Variants in MPRIP observed in about 807,000 individuals in gnomAD.
The protein encoded by MPRIP is myosin phosphatase Rho-interacting protein.
MPRIP carries 59 observed loss-of-function variants against 234.9 expected under a neutral mutation model. The observed-to-expected ratio is 0.25, with a 90% confidence interval of 0.20 to 0.31. The LOEUF (loss-of-function observed/expected upper bound fraction) is 0.31. Among genes scored for constraint, MPRIP ranks in the 10% least tolerant of loss-of-function variants. The probability of loss-of-function intolerance (pLI) is 1.00; values close to 1 mark genes in which losing one functional copy is unlikely to be tolerated. For missense variants in MPRIP, 2,436 were observed against 3,071.0 expected (o/e 0.79, Z 4.89); for synonymous variants, 1,144 against 1,263.9 (o/e 0.91, Z 2.01).
intron 1 of MPRIP, among the ~76,000 whole-genome samples, chr17:17,069,101 G>A (rs900515460): frequency 1.3e-5 from 2 of 151,990 alleles, no homozygotes; most frequent in African/African-American, 4.8e-5. Flanking sequence ...ACATAATTTT[G>A]CAGCTCTGAT....
chr17:17,173,050 C>T (rs1007479096), intron 18 of MPRIP, among the ~76,000 whole-genome samples: 5 of 152,346 alleles, frequency 3.3e-5, no homozygotes, highest in Admixed American at 1.3e-4. Flanking sequence ...ATGTAACAAA[C>T]GAAATCTTAA....
intron 19 of MPRIP, among the ~76,000 whole-genome samples, chr17:17,174,516 A>T (rs544100678): frequency 6.6e-6 from 1 of 152,032 alleles, no homozygotes; most frequent in African/African-American, 2.4e-5. Flanking sequence ...GCTCACATTT[A>T]TTTTTGTCAG....
chr17:17,066,144 T>C (rs1485592050), intron 1 of MPRIP, among the ~76,000 whole-genome samples: 5 of 152,244 alleles, frequency 3.3e-5, no homozygotes, highest in African/African-American at 9.6e-5. Context: ...CCTGCCTTAC[T>C]GCACTAGCTA....
chr17:17,166,041 G>A lies in MPRIP; in HGVS notation c.4450G>A (p.Glu1484Lys), dbSNP rs754700950. 2.3e-6 allele frequency: 3 copies of A among 1,303,654 alleles called. No homozygotes were observed. The highest frequency in any genetic ancestry group is 2.5e-5 in the South Asian group (2 of 80,910). The allele number at this position is 1,303,654 out of a possible 1,614,324, so 80.8% of individuals were successfully genotyped here. The change falls in exon 16 of 24, where the codon GAA becomes AAA. Residue 1484 changes from glutamate (E) to lysine (K), a missense_variant. Transcript: ENST00000651222. This position sits in a 1 kb window ranked among gnomAD's most constrained non-coding sequence, Gnocchi z 4.4. The stretch of plus-strand genomic sequence containing the variant: ...CCTGATGTGCCTGGAAAATTGCCGA[G>A]AACAACTGAGATCTCTGCCTAGGGC... Reference protein sequence around the residue: ...QALMCLENCREQLRSLPRASQ... With the variant: ...QALMCLENCRKQLRSLPRASQ...
intron 3 of MPRIP, among the ~76,000 whole-genome samples, chr17:17,116,716 C>T (rs937430766): frequency 6.6e-6 from 1 of 152,218 alleles, no homozygotes; most frequent in Admixed American, 6.5e-5. Context: ...GGGCCTGCCC[C>T]GCATGCATCT....
intron 3 of MPRIP, among the ~76,000 whole-genome samples, chr17:17,089,976 A>G (rs1451133545): frequency 6.6e-6 from 1 of 152,124 alleles, no homozygotes; most frequent in African/African-American, 2.4e-5. Context: ...TGAGCCCCTC[A>G]ATGTGTAGAG....
intron 23 of MPRIP, chr17:17,180,682 T>TC (rs766610861): frequency 6.2e-7 from 1 of 1,609,466 alleles, no homozygotes; most frequent in Non-Finnish European, 8.5e-7. Context: ...AAACCGCCTC[T>TC]CCCACCGCCT....
Position 17,119,675 on chromosome 17 carries a change from G to A in MPRIP, c.268-7027G>A, listed in dbSNP as rs180868612. 5.9e-3 allele frequency among the ~76,000 whole-genome samples: 898 copies of A among 152,300 alleles called. 2 individuals carry two copies. The highest frequency in any genetic ancestry group is 0.011 in the Non-Finnish European group (723 of 68,032). On this transcript the variant is annotated intron_variant, in intron 3 of 23. Coordinates refer to ENST00000651222, the MANE Select transcript of MPRIP (RefSeq NM_001364716.4). ...ATACACTTCCTGCTTCTACTGCAAG[G>A]CAATTCCCTGTGTCCTCCCTAGAAC...
chr17:17,123,854 A>G (rs1171732109), intron 3 of MPRIP, among the ~76,000 whole-genome samples: 1 of 151,996 alleles, frequency 6.6e-6, no homozygotes, highest in Non-Finnish European at 1.5e-5. Flanking sequence ...CCCTTCTTTG[A>G]TAACGTATTT....
intron 3 of MPRIP, among the ~76,000 whole-genome samples, chr17:17,096,610 A>G (rs1468772527): frequency 6.6e-6 from 1 of 152,052 alleles, no homozygotes; most frequent in African/African-American, 2.4e-5. Flanking sequence ...CCAATCACCT[A>G]CCTGGGACTA....
At chr17:17,145,912 T>TACAA in intron 9 of MPRIP, 124 bp from the exon 10 acceptor site, 1 of 918,664 alleles carries the variant, frequency 1.1e-6, no homozygotes, top group Non-Finnish European at 1.7e-6. Flanking sequence ...CACAGGCTTG[T>TACAA]CTGGCAGGTG....
At chr17:17,061,497 A>G (rs1260326409) in intron 1 of MPRIP, among the ~76,000 whole-genome samples, 1 of 152,216 alleles carries the variant, frequency 6.6e-6, no homozygotes, top group African/African-American at 2.4e-5. Context: ...GTTTGCACGC[A>G]TTCTGCTTAT....
chr17:17,142,536 C>T lies in MPRIP; in HGVS notation c.1251-91C>T. ...TGTGCAAGCCTGAGGGGAATCAGGCCCGGGCCAGGCCGGGCATGGGAGGAG... is the reference window on the plus strand; with the variant it reads ...TGTGCAAGCCTGAGGGGAATCAGGCTCGGGCCAGGCCGGGCATGGGAGGAG... On this transcript the variant is annotated intron_variant, in intron 7 of 23. Coordinates refer to ENST00000651222, the MANE Select transcript of MPRIP (RefSeq NM_001364716.4). 11 of 1,489,828 alleles carry T rather than the reference C, an allele frequency of 7.4e-6. No individual in the cohort carries two copies. In the South Asian group the frequency reaches 1.1e-4, roughly 15 times the overall value. The allele number at this position is 1,489,828 out of a possible 1,614,324, so 92.3% of individuals were successfully genotyped here. A position where few individuals can be genotyped will look rare whatever the true frequency, so the allele number is the denominator to read the frequency against.
rs1475470426 is a variant in MPRIP, at chr17:17,164,451, G to T, written c.2860G>T (p.Ala954Ser). Residue 954 changes from alanine to serine, a missense_variant, in exon 16 of 24, where the codon GCT (alanine) becomes TCT (serine). Transcript: ENST00000651222. ...SEAALSSQLR[A>S]SEQKLKSAEA... is the part of the protein sequence containing the mutation. Reference sequence around the variant, plus strand: ...GGCGGCGCTGAGCAGCCAGCTGAGGGCTAGCGAGCAGAAGCTCAAGAGTGC... The same window carrying T: ...GGCGGCGCTGAGCAGCCAGCTGAGGTCTAGCGAGCAGAAGCTCAAGAGTGC... 8.0e-7 allele frequency: 1 copy of T among 1,245,438 alleles called. No individual in the cohort carries two copies. The highest frequency in any genetic ancestry group is 1.0e-6 in the Non-Finnish European group (1 of 966,068). 77.1% of individuals were successfully genotyped at this position (1,245,438 alleles called of 1,614,324 possible).
intron 3 of MPRIP, among the ~76,000 whole-genome samples, chr17:17,092,310 G>A (rs191628255): frequency 3.7e-4 from 56 of 152,338 alleles, no homozygotes; most frequent in African/African-American, 1.3e-3. Flanking sequence ...AATGTCCAGC[G>A]CTAGAATTTT....
rs1031985936 is a variant in MPRIP, at chr17:17,166,603, A to T, written c.5012A>T (p.Glu1671Val). The T allele has an allele frequency of 7.7e-7, 1 of 1,303,970 alleles. No homozygotes were observed. Among genetic ancestry groups the T allele is most frequent in the African/African-American group, 1.5e-5 (1 of 65,876 alleles). 80.8% of individuals were successfully genotyped at this position (1,303,970 alleles called of 1,614,324 possible). The change falls in exon 16 of 24, where the codon GAG (glutamate) becomes GTG (valine). Residue 1671 changes from glutamate (E) to valine (V), a missense_variant. Transcript: ENST00000651222. This position sits in a 1 kb window ranked among gnomAD's most constrained non-coding sequence, Gnocchi z 4.4. ...GCCAATGCCACATGGGTCAGGGCAG[A>T]GCTCAGCTTTGCCACACAGTCAGTG... ...ILANATWVRA[E>V]LSFATQSVRE... is the part of the protein sequence containing the mutation.
In MPRIP at chr17:17,154,374, C is replaced by G. The variant is rs751528594; in HGVS notation, c.1788C>G (p.Ile596Met). Residue 596 changes from isoleucine to methionine, a missense_variant, in exon 13 of 24, where the codon ATC (isoleucine) becomes ATG (methionine). Ile to Met is a conservative substitution (Grantham distance 10). Coordinates refer to ENST00000651222, the MANE Select transcript of MPRIP (RefSeq NM_001364716.4). ...SGIRRNWIQT[I>M]MKHVHPTTAP... ...TTCGGCGGAACTGGATCCAGACCAT[C>G]ATGAAGCACGTGCACCCGACCACTG... 6.2e-7 allele frequency: 1 copy of G among 1,614,200 alleles called. No homozygotes were observed. The highest frequency in any genetic ancestry group is 8.5e-7 in the Non-Finnish European group (1 of 1,180,038).
At chr17:17,046,217 A>T (rs2088346567) in intron 1 of MPRIP, among the ~76,000 whole-genome samples, 1 of 152,234 alleles carries the variant, frequency 6.6e-6, no homozygotes. Flanking sequence ...ATGGTGTTGC[A>T]TATAAAGATG....
rs898796846 is a variant in MPRIP, at chr17:17,164,863, C to T, written c.3272C>T (p.Ala1091Val). ...QLEEQLEARE[A>V]SVRRLAEHVQ... is the part of the protein sequence containing the mutation. Reference sequence around the variant, plus strand: ...GAGGAGCAGCTGGAGGCACGAGAGGCCAGCGTGCGCAGGCTCGCAGAGCAC... The same window carrying T: ...GAGGAGCAGCTGGAGGCACGAGAGGTCAGCGTGCGCAGGCTCGCAGAGCAC... Residue 1091 changes from alanine (A) to valine (V), a missense_variant, in exon 16 of 24, where the codon GCC (alanine) becomes GTC (valine). By Grantham distance (64) the Ala-to-Val change is moderately conservative (BLOSUM62 0). Transcript: ENST00000651222. 4.8e-5 allele frequency: 63 copies of T among 1,303,834 alleles called. No homozygotes were observed. Among genetic ancestry groups the T allele is most frequent in the Non-Finnish European group, 6.1e-5 (60 of 988,872 alleles). 80.8% of individuals were successfully genotyped at this position (1,303,834 alleles called of 1,614,324 possible).
Sources: gnomAD v4.1 joint callset for allele counts (sites outside exome capture counted in the v4.1 genomes callset) on GRCh38, gnomAD v4.1.1 for gene constraint, Gnocchi (gnomAD v3.1) non-coding constraint, MANE v1.5 for transcripts, NCBI Gene and HGNC (gene_info 2026-07-23, HGNC 2026-07-21) for gene names.